TMC5: variants seen among roughly 807,000 people sequenced by gnomAD.
TMC5 encodes the protein transmembrane channel-like protein 5.
A neutral mutation model predicts 110.5 loss-of-function variants in TMC5; 86 were observed. That is an observed-to-expected ratio of 0.78 (90% CI 0.65 to 0.93). The LOEUF is 0.93. Ranked by LOEUF, TMC5 falls within the 40% of genes least tolerant of loss-of-function variation. The pLI, the probability that TMC5 is intolerant of heterozygous loss-of-function variation, is 0.00. For missense variants in TMC5, 1,144 were observed against 1,222.8 expected (o/e 0.94, Z 0.96); for synonymous variants, 455 against 439.5 (o/e 1.04, Z -0.44).
chr16:19,466,169 C>G lies in TMC5; in HGVS notation c.1573C>G (p.Gln525Glu), dbSNP rs1382417400. The G allele has an allele frequency of 3.7e-6, 6 of 1,614,040 alleles. No individual in the cohort carries two copies. Among genetic ancestry groups the G allele is most frequent in the Non-Finnish European group, 5.1e-6 (6 of 1,180,048 alleles). The change falls in exon 9 of 22, where the codon CAG becomes GAG. Residue 525 changes from glutamine (Q) to glutamate (E), a missense_variant. Transcript: ENST00000542583. ...HGNSGASYNMQLAYIFTIGAC... is the reference protein window; with the variant it reads ...HGNSGASYNMELAYIFTIGAC... ...GAACAGCGGGGCATCCTACAACATG[C>G]AGCTGGCCTACATCTTCACAATCGG...
chr16:19,422,150 G>C (rs113335401), intron 1 of TMC5, among the ~76,000 whole-genome samples: 4 of 151,862 alleles, frequency 2.6e-5, no homozygotes, highest in African/African-American at 9.7e-5. Context: ...AGAATTGCTT[G>C]AACCTGGGAG....
chr16:19,423,441 C>T (rs761508561), intron 1 of TMC5, among the ~76,000 whole-genome samples: 1 of 152,202 alleles, frequency 6.6e-6, no homozygotes, highest in Non-Finnish European at 1.5e-5. Context: ...TGGACAGCGT[C>T]GCTGACTCTC....
Position 19,453,553 on chromosome 16 carries a change from C to T in TMC5, c.1048+3922C>T, listed in dbSNP as rs575925524. ...GCCGTGAGCTGAGATCATGCCACTG[C>T]ACTCCAGCCTGGGCAACAGAATGAG... On this transcript the variant is annotated intron_variant, in intron 5 of 21. Transcript: ENST00000542583. Among the ~76,000 whole-genome samples the T allele has an allele frequency of 2.0e-5, 3 of 151,194 alleles. No homozygotes were observed. In the South Asian group the frequency reaches 6.3e-4, roughly 32 times the overall value.
At chr16:19,433,211 A>G (rs779771388) in intron 2 of TMC5, among the ~76,000 whole-genome samples, 40 of 152,212 alleles carry the variant, frequency 2.6e-4, no homozygotes, top group Non-Finnish European at 4.1e-4. Flanking sequence ...ATGAAAAGCT[A>G]CTGTGGGTAG....
At position 19,439,965 on chromosome 16, in the gene TMC5, A is replaced by G; in HGVS notation, c.-74A>G. Reference sequence around the variant, plus strand: ...CTTTTCTTCTTGTTTTTCAGGTGAAAAAAAAAAAAGATCCCTGAGTAATTG... The same window carrying G: ...CTTTTCTTCTTGTTTTTCAGGTGAAGAAAAAAAAAGATCCCTGAGTAATTG... On this transcript the variant is annotated 5_prime_UTR_variant, in exon 3 of 22. Transcript: ENST00000542583. 1 of 1,311,522 alleles carries G rather than the reference A, an allele frequency of 7.6e-7. No individual in the cohort carries two copies. 81.2% of individuals were successfully genotyped at this position (1,311,522 alleles called of 1,614,324 possible).
At chr16:19,418,749 A>C (rs1966914408) in intron 1 of TMC5, among the ~76,000 whole-genome samples, 1 of 132,408 alleles carries the variant, frequency 7.6e-6, no homozygotes, top group African/African-American at 2.8e-5. Flanking sequence ...TTTTTTCGAG[A>C]CAATATCTCA....
chr16:19,425,990 A>G (rs1021179106), intron 1 of TMC5, among the ~76,000 whole-genome samples: 2 of 152,190 alleles, frequency 1.3e-5, no homozygotes, highest in African/African-American at 4.8e-5. Flanking sequence ...CCCAGCCAAT[A>G]GCACCTATTT....
Position 19,481,402 on chromosome 16 carries a change from G to A in TMC5, c.2300G>A (p.Gly767Asp), listed in dbSNP as rs1449957511. 6.2e-7 allele frequency: 1 copy of A among 1,614,102 alleles called. No individual in the cohort carries two copies. Among genetic ancestry groups the A allele is most frequent in the South Asian group, 1.1e-5 (1 of 91,086 alleles). ...IIGMQLITSL[G>D]LQEFDIARNV... ...GGGATGCAACTGATCACAAGTCTTG[G>A]CCTTCAGGAGTTTGACATTGCCAGG... Residue 767 changes from glycine (G) to aspartate (D), a missense_variant, in exon 15 of 22, where the codon GGC becomes GAC. Coordinates refer to ENST00000542583, the MANE Select transcript of TMC5 (RefSeq NM_001261841.2).
rs578249151 is a variant in TMC5 at position 19,440,945 on chromosome 16, G to A, written c.788+119G>A. 1.7e-4 allele frequency: 184 copies of A among 1,052,120 alleles called. 1 individual carries two copies. In the South Asian group the frequency reaches 2.9e-3, roughly 16 times the overall value. The allele number at this position is 1,052,120 out of a possible 1,614,324, so 65.2% of individuals were successfully genotyped here. On this transcript the variant is annotated intron_variant, in intron 3 of 21. Coordinates refer to ENST00000542583, the MANE Select transcript of TMC5 (RefSeq NM_001261841.2). ...ATATATATGACGGTTTCTATGACCT[G>A]AAGTTGTGGTGAAATGCGCATACCT...
At chr16:19,453,173 G>A (rs900741922) in intron 5 of TMC5, among the ~76,000 whole-genome samples, 19 of 152,016 alleles carry the variant, frequency 1.2e-4, no homozygotes, top group African/African-American at 4.6e-4. Flanking sequence ...AATAGCCCAG[G>A]CTGGGTGCAC....
intron 9 of TMC5, among the ~76,000 whole-genome samples, chr16:19,468,624 G>C (rs144162601): frequency 6.6e-6 from 1 of 152,262 alleles, no homozygotes; most frequent in African/African-American, 2.4e-5. Context: ...GAATCACAAG[G>C]GTCTTTATAA....
At chr16:19,437,433 C>T (rs1245740931) in intron 2 of TMC5, among the ~76,000 whole-genome samples, 1 of 152,182 alleles carries the variant, frequency 6.6e-6, no homozygotes, top group Non-Finnish European at 1.5e-5. Flanking sequence ...GAAATGGATG[C>T]TGTGCAGGGA....
upstream of TMC5, among the ~76,000 whole-genome samples, chr16:19,417,000 A>G (rs536780471): frequency 1.3e-4 from 20 of 148,466 alleles, no homozygotes; most frequent in African/African-American, 4.5e-4. Flanking sequence ...AGGCTGAGGC[A>G]GGAGAATCAC....
chr16:19,422,397 C>T (rs977088066), intron 1 of TMC5, among the ~76,000 whole-genome samples: 5 of 152,188 alleles, frequency 3.3e-5, no homozygotes, highest in Non-Finnish European at 7.3e-5. Flanking sequence ...CAATGCCCTG[C>T]TTCCAAACCA....
intron 19 of TMC5, among the ~76,000 whole-genome samples, chr16:19,492,942 A>ATATATATATATATATATATAT (rs57619005): frequency 6.5e-5 from 7 of 107,664 alleles, no homozygotes; most frequent in Non-Finnish European, 1.2e-4. Context: ...ATCTCTCTAT[A>ATATATATATATATATATATAT]AGATAAATAC....
intron 1 of TMC5, among the ~76,000 whole-genome samples, chr16:19,429,691 G>T (rs1967157045): frequency 6.6e-6 from 1 of 152,170 alleles, no homozygotes; most frequent in African/African-American, 2.4e-5. Flanking sequence ...TGAAACTTTG[G>T]TTGAAATGAG....
intron 5 of TMC5, among the ~76,000 whole-genome samples, chr16:19,455,986 T>A (rs1967859352): frequency 6.6e-6 from 1 of 152,098 alleles, no homozygotes; most frequent in South Asian, 2.1e-4. Context: ...GGCAGGAGGA[T>A]CACGAGGTCA....
intron 2 of TMC5, among the ~76,000 whole-genome samples, chr16:19,432,977 A>G (rs1428733368): frequency 6.6e-6 from 1 of 152,088 alleles, no homozygotes; most frequent in African/African-American, 2.4e-5. Flanking sequence ...CATAAATTGT[A>G]TGGATATCTT....
chr16:19,445,879 G>A (rs1597176455), intron 4 of TMC5, among the ~76,000 whole-genome samples: 1 of 151,860 alleles, frequency 6.6e-6, no homozygotes, highest in East Asian at 1.9e-4. Flanking sequence ...GCTGGGCGTG[G>A]TGGCACACAC....
Sources: allele counts gnomAD v4.1 joint callset (sites outside exome capture counted in the v4.1 genomes callset), GRCh38; gene constraint gnomAD v4.1.1; transcripts MANE v1.5; gene names NCBI Gene and HGNC (gene_info 2026-07-23, HGNC 2026-07-21).